Variants in SLC45A4 observed in about 807,000 individuals in gnomAD.
SLC45A4 encodes the protein solute carrier family 45 member 4, also known as polyamine-transporter SLC45A4.
SLC45A4 carries 32 observed loss-of-function variants against 63.7 expected under a neutral mutation model. The ratio of observed to expected loss-of-function variants is 0.50; its 90% confidence interval spans 0.38 to 0.67. The LOEUF (loss-of-function observed/expected upper bound fraction) is 0.67. SLC45A4 is among the 30% of genes least tolerant of loss of function. The pLI, the probability that SLC45A4 is intolerant of heterozygous loss-of-function variation, is 0.00. For missense variants in SLC45A4, 1,027 were observed against 1,157.7 expected, an observed-to-expected ratio of 0.89 and a Z score of 1.64; for synonymous variants, 535 against 510.0, an observed-to-expected ratio of 1.05 and a Z score of -0.66.
intron 1 of SLC45A4, among the ~76,000 whole-genome samples, chr8:141,267,120 G>A (rs1293235091): frequency 1.3e-5 from 2 of 152,246 alleles, no homozygotes; most frequent in African/African-American, 2.4e-5. Flanking sequence ...ATCTGTGTGC[G>A]CATATAGCAA....
chr8:141,242,324 C>A (rs896547852), intron 2 of SLC45A4, among the ~76,000 whole-genome samples: 1 of 152,126 alleles, frequency 6.6e-6, no homozygotes, highest in Non-Finnish European at 1.5e-5. Flanking sequence ...CTGGAATCAC[C>A]GTGATTTTTA....
chr8:141,271,637 T>C (rs1829525939), intron 1 of SLC45A4, among the ~76,000 whole-genome samples: 1 of 152,184 alleles, frequency 6.6e-6, no homozygotes, highest in South Asian at 2.1e-4. Flanking sequence ...AGCTCAGCTC[T>C]TCTCCACCAG....
intron 1 of SLC45A4, among the ~76,000 whole-genome samples, chr8:141,267,892 A>G (rs1829344378): frequency 6.6e-6 from 1 of 152,114 alleles, no homozygotes; most frequent in East Asian, 1.9e-4. Flanking sequence ...CCACTTCGAA[A>G]GACGGTTTGC....
intron 2 of SLC45A4, among the ~76,000 whole-genome samples, chr8:141,240,319 G>A (rs566583248): frequency 2.2e-4 from 34 of 152,280 alleles, no homozygotes; most frequent in Non-Finnish European, 4.4e-4. Flanking sequence ...TGCAACAAAA[G>A]AACGCCCCTT....
At chr8:141,293,263 G>A (rs1195005534) in intron 1 of SLC45A4, among the ~76,000 whole-genome samples, 1 of 152,042 alleles carries the variant, frequency 6.6e-6, no homozygotes, top group East Asian at 1.9e-4. Context: ...GACCAGCCTG[G>A]CCAACATGGT....
intron 1 of SLC45A4, among the ~76,000 whole-genome samples, chr8:141,283,430 A>G (rs1386942233): frequency 6.6e-6 from 1 of 152,180 alleles, no homozygotes; most frequent in Non-Finnish European, 1.5e-5. Flanking sequence ...AGTGCAGTGC[A>G]CCCTGGGACA....
In SLC45A4 at chr8:141,218,192, G is replaced by C; in HGVS notation, c.1448C>G (p.Thr483Ser). 6.2e-7 allele frequency: 1 copy of C among 1,604,082 alleles called. No individual in the cohort carries two copies. ...CTCGCCCTCCCCCTCCTCACTCTCGGTGTCCCCGCTGGAGGTGGTGGCCCC... is the reference window on the plus strand; with the variant it reads ...CTCGCCCTCCCCCTCCTCACTCTCGCTGTCCCCGCTGGAGGTGGTGGCCCC... ...QSGATTSSGD[T>S]ESEEGEGETT... The change falls in exon 5 of 9, where the codon ACC (threonine) becomes AGC (serine). Residue 483 changes from threonine to serine, a missense_variant. By Grantham distance (58) the Thr-to-Ser change is moderately conservative. Coordinates refer to ENST00000517878, the MANE Select transcript of SLC45A4 (RefSeq NM_001286646.2).
chr8:141,211,396 G>T lies in SLC45A4; in HGVS notation c.*176C>A, dbSNP rs1825797790. ...AGCTCACGCTCCGCCCCCAGGTGGT[G>T]CCCAGCCCATCCCTGGGCAGGGTGT... On this transcript the variant is annotated 3_prime_UTR_variant, in exon 9 of 9. Transcript: ENST00000517878. 6.6e-7 allele frequency: 1 copy of T among 1,524,644 alleles called. No homozygotes were observed. Among genetic ancestry groups the T allele is most frequent in the Non-Finnish European group, 8.8e-7 (1 of 1,138,656 alleles). 94.4% of individuals were successfully genotyped at this position (1,524,644 alleles called of 1,614,324 possible). A position where few individuals can be genotyped will look rare whatever the true frequency, so the allele number is the denominator to read the frequency against.
At chr8:141,302,869 T>C (rs1314127486) in intron 1 of SLC45A4, among the ~76,000 whole-genome samples, 1 of 152,160 alleles carries the variant, frequency 6.6e-6, no homozygotes. Flanking sequence ...CCTTCCCATA[T>C]ACACCAAACC....
At position 141,218,652 on chromosome 8, in the gene SLC45A4, TGTC is replaced by T. The variant is rs750748778; in HGVS notation, c.985_987del (p.Asp329del). ...GCGTCGTGGAAGATGGAGGGCTCGA[TGTC>T]GTGCAGGAACAGCAGCTCGGGCTCC... On this transcript the variant is annotated inframe_deletion, in exon 5 of 9. Transcript: ENST00000517878. The T allele has an allele frequency of 3.7e-6, 6 of 1,613,080 alleles. No individual in the cohort carries two copies. The Admixed American group carries it at 6.7e-5, about 18-fold the overall frequency.
intron 1 of SLC45A4, among the ~76,000 whole-genome samples, chr8:141,262,737 GA>G (rs1241229609): frequency 6.6e-6 from 1 of 152,112 alleles, no homozygotes; most frequent in Non-Finnish European, 1.5e-5. Context: ...AGGATGTGGA[GA>G]AATAGGAACA....
chr8:141,301,298 T>G (rs1291921165), intron 1 of SLC45A4, among the ~76,000 whole-genome samples: 1 of 152,222 alleles, frequency 6.6e-6, no homozygotes, highest in East Asian at 1.9e-4. Context: ...TAGTAATTGT[T>G]TATCAAGATC....
chr8:141,215,250 G>A lies in SLC45A4; in HGVS notation c.1941+509C>T, dbSNP rs139321026. The stretch of plus-strand genomic sequence containing the variant: ...AACATACACACAATTTCAACGATGA[G>A]CAAGAGTGTAAGGTATCTCGATGAC... On this transcript the variant is annotated intron_variant, in intron 7 of 8. Transcript: ENST00000517878. The surrounding 1 kb of genome is among the most constrained non-coding windows in gnomAD (Gnocchi z 4.3). Among the ~76,000 whole-genome samples the A allele has an allele frequency of 2.0e-5, 3 of 152,354 alleles. No homozygotes were observed. Among genetic ancestry groups the A allele is most frequent in the South Asian group, 2.1e-4 (1 of 4,822 alleles).
chr8:141,239,346 T>A (rs1200238249), intron 2 of SLC45A4, among the ~76,000 whole-genome samples: 1 of 152,144 alleles, frequency 6.6e-6, no homozygotes, highest in Non-Finnish European at 1.5e-5. Flanking sequence ...TTTCAGAGTG[T>A]CATTACACAC....
At chr8:141,284,111 T>A (rs1216193364) in intron 1 of SLC45A4, among the ~76,000 whole-genome samples, 1 of 152,240 alleles carries the variant, frequency 6.6e-6, no homozygotes, top group Non-Finnish European at 1.5e-5. Flanking sequence ...CAGTGATTAT[T>A]TGATGACAGT....
At position 141,215,059 on chromosome 8, in the gene SLC45A4, T is replaced by C. The variant is rs1001006087; in HGVS notation, c.1941+700A>G. 2.0e-5 allele frequency among the ~76,000 whole-genome samples: 3 copies of C among 152,162 alleles called. No individual in the cohort carries two copies. Among genetic ancestry groups the C allele is most frequent in the Admixed American group, 6.5e-5 (1 of 15,288 alleles). ...GTGCATCTGGCCATACACTGTGACA[T>C]GAAAAGGCTGGCCGTGCTGCCGCCA... On this transcript the variant is annotated intron_variant, in intron 7 of 8. Transcript: ENST00000517878. This position sits in a 1 kb window ranked among gnomAD's most constrained non-coding sequence, Gnocchi z 4.3.
At chr8:141,234,237 A>G (rs1315330289) in intron 2 of SLC45A4, among the ~76,000 whole-genome samples, 1 of 152,194 alleles carries the variant, frequency 6.6e-6, no homozygotes, top group Non-Finnish European at 1.5e-5. Context: ...GTTTGAAGGA[A>G]AAGTGCTGGC....
intron 1 of SLC45A4, among the ~76,000 whole-genome samples, chr8:141,260,186 T>C (rs190485361): frequency 7.1e-4 from 108 of 152,314 alleles, no homozygotes; most frequent in Non-Finnish European, 1.3e-3. Flanking sequence ...AAACAACAAA[T>C]ATCTTTAGAC....
chr8:141,232,556 AAC>A (rs776532110), intron 2 of SLC45A4, among the ~76,000 whole-genome samples: 14 of 152,122 alleles, frequency 9.2e-5, no homozygotes, highest in South Asian at 2.1e-4. Flanking sequence ...CTGCAACGTG[AAC>A]ACACACACTC....
Sources: gnomAD v4.1 joint callset for allele counts (sites outside exome capture counted in the v4.1 genomes callset) on GRCh38, gnomAD v4.1.1 for gene constraint, Gnocchi (gnomAD v3.1) non-coding constraint, MANE v1.5 for transcripts, NCBI Gene and HGNC (gene_info 2026-07-23, HGNC 2026-07-21) for gene names.